The following HLF variants were observed in gnomAD, a reference collection of about 807,000 sequenced individuals.
The protein encoded by HLF is HLF transcription factor, PAR bZIP family member, also known as hepatic leukemia factor.
Under a neutral mutation model 22.6 loss-of-function variants are expected in HLF, and 3 were observed. The ratio of observed to expected loss-of-function variants is 0.13; its 90% CI spans 0.06 to 0.34. The LOEUF (loss-of-function observed/expected upper bound fraction) is 0.34, where lower values mean the gene tolerates loss of function less well. Among genes scored for constraint, HLF ranks in the 10% least tolerant of loss-of-function variants. The probability of loss-of-function intolerance (pLI) is 1.00; values close to 1 mark genes in which losing one functional copy is unlikely to be tolerated. For synonymous variants in HLF, 151 were observed against 151.8 expected, an observed-to-expected ratio of 0.99 and a Z score of 0.04; for missense variants, 299 against 389.2, an observed-to-expected ratio of 0.77 and a Z score of 1.95.
rs1307455155 is a variant in HLF, at chr17:55,265,439, C to CTTTG, written c.-43_-42insGTTT. Reference sequence around the variant, plus strand: ...GCAACATTTTAGGGGGCGGTTGTTTCTTTCTTATTTCTTTTTTTAAGGGGA... The same window carrying CTTTG: ...GCAACATTTTAGGGGGCGGTTGTTTCTTTGTTTCTTATTTCTTTTTTTAAGGGGA... On this transcript the variant is annotated 5_prime_UTR_variant, in exon 1 of 4. Transcript: ENST00000226067. 3 of 1,240,898 alleles carry CTTTG rather than the reference C, an allele frequency of 2.4e-6. No homozygotes were observed. The highest frequency in any genetic ancestry group is 2.3e-6 in the Non-Finnish European group (2 of 855,174). 76.9% of individuals were successfully genotyped at this position (1,240,898 alleles called of 1,614,324 possible). A position where few individuals can be genotyped will look rare whatever the true frequency, so the allele number is the denominator to read the frequency against.
rs1400605939 is a variant in HLF at position 55,323,416 on chromosome 17, A to C, written c.*2537A>C. 2 of 214,098 alleles carry C rather than the reference A, an allele frequency of 9.3e-6. No homozygotes were observed. The highest frequency in any genetic ancestry group is 1.4e-4 in the East Asian group (2 of 14,260). The allele number at this position is 214,098 out of a possible 1,614,324, so 13.3% of individuals were successfully genotyped here. On this transcript the variant is annotated 3_prime_UTR_variant, in exon 4 of 4. Transcript: ENST00000226067. ...GACCATCCAAATTTATGGCCGTATC[A>C]AATGGTAGCTGAAAAAACTATATTT...
At chr17:55,275,270 A>G (rs2080895183) in intron 2 of HLF, among the ~76,000 whole-genome samples, 1 of 151,724 alleles carries the variant, frequency 6.6e-6, no homozygotes, top group Non-Finnish European at 1.5e-5. Context: ...TAATTTTTGT[A>G]TTTTCTATAG....
At chr17:55,286,293 C>T (rs904542030) in intron 2 of HLF, among the ~76,000 whole-genome samples, 1 of 151,710 alleles carries the variant, frequency 6.6e-6, no homozygotes. Context: ...TCTTTTCTCC[C>T]CCCACCCTTG....
chr17:55,281,940 G>C (rs2080958997), intron 2 of HLF, among the ~76,000 whole-genome samples: 1 of 152,124 alleles, frequency 6.6e-6, no homozygotes, highest in Non-Finnish European at 1.5e-5. Flanking sequence ...AGTCCTAATA[G>C]CATCGGCACG....
At chr17:55,313,365 T>TGTGTGG in intron 2 of HLF, among the ~76,000 whole-genome samples, 1 of 147,960 alleles carries the variant, frequency 6.8e-6, no homozygotes, top group Non-Finnish European at 1.5e-5. Flanking sequence ...TGTGCGTGTG[T>TGTGTGG]GTGTGTGTGT....
chr17:55,286,755 C>T (rs540936102), intron 2 of HLF, among the ~76,000 whole-genome samples: 1 of 152,344 alleles, frequency 6.6e-6, no homozygotes, highest in East Asian at 1.9e-4. Context: ...CTTATATTTA[C>T]TGCTTTGGAA....
intron 2 of HLF, chr17:55,273,691 T>G (rs922699922): frequency 2.0e-5 from 3 of 151,850 alleles, no homozygotes; most frequent in Non-Finnish European, 4.4e-5. Context: ...TGCATGACCG[T>G]GTGCTCCAGG....
At position 55,325,040 on chromosome 17, in the gene HLF, G is replaced by A. The variant is rs1905416291; in HGVS notation, c.*4161G>A. The A allele has an allele frequency of 4.6e-6, 1 of 219,358 alleles. No individual in the cohort carries two copies. Among genetic ancestry groups the A allele is most frequent in the Admixed American group, 5.8e-5 (1 of 17,298 alleles). The allele number at this position is 219,358 out of a possible 1,614,324, so 13.6% of individuals were successfully genotyped here. On this transcript the variant is annotated 3_prime_UTR_variant, in exon 4 of 4. Transcript: ENST00000226067. ...TTATCTGTCTGTTATTCTTAATGTTGAATAAACTTTGAATTTTTTCCTTTC... is the reference window on the plus strand; with the variant it reads ...TTATCTGTCTGTTATTCTTAATGTTAAATAAACTTTGAATTTTTTCCTTTC...
At position 55,324,737 on chromosome 17, in the gene HLF, G is replaced by C. The variant is rs1412243623; in HGVS notation, c.*3858G>C. 4.3e-6 allele frequency: 1 copy of C among 233,098 alleles called. No individual in the cohort carries two copies. The highest frequency in any genetic ancestry group is 5.6e-5 in the Admixed American group (1 of 17,760). The allele number at this position is 233,098 out of a possible 1,614,324, so 14.4% of individuals were successfully genotyped here. The stretch of plus-strand genomic sequence containing the variant: ...TTAAAAAATGAGCAAAGCCTTATCC[G>C]AATCGGATATAGCAACTAAAGTCAA... On this transcript the variant is annotated 3_prime_UTR_variant, in exon 4 of 4. Transcript: ENST00000226067.
chr17:55,274,048 G>A (rs1034085946), intron 2 of HLF, among the ~76,000 whole-genome samples: 1 of 151,500 alleles, frequency 6.6e-6, no homozygotes, highest in African/African-American at 2.4e-5. Flanking sequence ...GTTCAGCACT[G>A]TGCCTACCAG....
intron 2 of HLF, among the ~76,000 whole-genome samples, chr17:55,310,677 A>G (rs1188097684): frequency 1.3e-5 from 2 of 152,230 alleles, no homozygotes; most frequent in East Asian, 1.9e-4. Flanking sequence ...ATAAACATAG[A>G]AAGGATGCCA....
chr17:55,291,581 A>G (rs2081062051), intron 2 of HLF, among the ~76,000 whole-genome samples: 1 of 149,118 alleles, frequency 6.7e-6, no homozygotes, highest in South Asian at 2.2e-4. Context: ...GTTATCCAAA[A>G]ACTCTGATGG....
chr17:55,265,902 TAGAACGAGGCACACCCGCACGC>T, intron 1 of HLF: 1 of 1,095,526 alleles, frequency 9.1e-7, no homozygotes, highest in East Asian at 5.5e-5. Context: ...GATCGTTCCC[TAGAACGAGGCACACCCGCACGC>T]AGAGCGAGCC....
In HLF at chr17:55,324,790, A is replaced by AGTGT. The variant is rs72476932; in HGVS notation, c.*3927_*3930dup. The AGTGT allele has an allele frequency of 0.019, 4,020 of 216,366 alleles. 33 individuals carry two copies. The highest frequency in any genetic ancestry group is 0.046 in the South Asian group (234 of 5,136). 13.4% of individuals were successfully genotyped at this position (216,366 alleles called of 1,614,324 possible). A position where few individuals can be genotyped will look rare whatever the true frequency, so the allele number is the denominator to read the frequency against. ...CATTTTGCAGGAGGCTAAGTGTAAG[A>AGTGT]GTGTGTGTGTGTGTGTGTGCGTGCA... On this transcript the variant is annotated 3_prime_UTR_variant, in exon 4 of 4. Coordinates refer to ENST00000226067, the MANE Select transcript of HLF (RefSeq NM_002126.5).
chr17:55,273,250 A>G (rs948704396), intron 2 of HLF, among the ~76,000 whole-genome samples: 3 of 152,162 alleles, frequency 2.0e-5, no homozygotes, highest in African/African-American at 7.2e-5. Context: ...TACAATGGAA[A>G]TTATAAATGG....
At chr17:55,287,077 G>A (rs143832364) in intron 2 of HLF, among the ~76,000 whole-genome samples, 1 of 152,016 alleles carries the variant, frequency 6.6e-6, no homozygotes, top group Non-Finnish European at 1.5e-5. Context: ...GCTCAATCAG[G>A]GGGGAGGCAG....
chr17:55,305,305 G>A (rs1303369393), intron 2 of HLF, among the ~76,000 whole-genome samples: 2 of 152,210 alleles, frequency 1.3e-5, no homozygotes, highest in Non-Finnish European at 2.9e-5. Flanking sequence ...GGCACAGCTC[G>A]CCATTCAGGA....
intron 2 of HLF, among the ~76,000 whole-genome samples, chr17:55,271,043 G>C (rs1422336935): frequency 6.6e-6 from 1 of 152,174 alleles, no homozygotes; most frequent in African/African-American, 2.4e-5. Flanking sequence ...GATGTGACAA[G>C]TAAAAATGTC....
chr17:55,268,653 G>T (rs539884700), intron 2 of HLF, among the ~76,000 whole-genome samples: 1 of 151,992 alleles, frequency 6.6e-6, no homozygotes. Context: ...CTAAAAGCAG[G>T]CTCTCATATT....
Sources: allele counts gnomAD v4.1 joint callset (sites outside exome capture counted in the v4.1 genomes callset), GRCh38; gene constraint gnomAD v4.1.1; transcripts MANE v1.5; gene names NCBI Gene and HGNC (gene_info 2026-07-23, HGNC 2026-07-21).